ZFP90: variants seen among roughly 807,000 people sequenced by gnomAD.
The protein encoded by ZFP90 is ZFP90 zinc finger protein, also known as zinc finger protein 90 homolog.
ZFP90 carries 38 observed loss-of-function variants against 60.8 expected under a neutral mutation model. The ratio of observed to expected loss-of-function variants is 0.62; its 90% CI spans 0.48 to 0.82. The LOEUF is 0.82. Among genes scored for constraint, ZFP90 ranks in the 40% least tolerant of loss-of-function variants. ZFP90 has a pLI of 0.00. For synonymous variants in ZFP90, 287 were observed against 264.8 expected (o/e 1.08, Z -0.82); for missense variants, 711 against 759.1 (o/e 0.94, Z 0.74).
In ZFP90 at chr16:68,557,983, A is replaced by G. The variant is rs1336739439; in HGVS notation, c.34-15A>G. 1.2e-6 allele frequency: 2 copies of G among 1,613,414 alleles called. No homozygotes were observed. On this transcript the variant is annotated splice_polypyrimidine_tract_variant and intron_variant, in intron 2 of 4. Transcript: ENST00000563169. ...TGGGGTTGATCCCCAGTTGAACAGGAATGTGATTTTACAGGAATCAGTGAC... is the reference window on the plus strand; with the variant it reads ...TGGGGTTGATCCCCAGTTGAACAGGGATGTGATTTTACAGGAATCAGTGAC...
intron 2 of ZFP90, among the ~76,000 whole-genome samples, chr16:68,546,510 G>A (rs563443422): frequency 6.6e-6 from 1 of 152,076 alleles, no homozygotes; most frequent in Non-Finnish European, 1.5e-5. Flanking sequence ...CAAACAGTAT[G>A]TTTTGTTTTG....
At chr16:68,560,260 G>T (rs562304533) in intron 4 of ZFP90, among the ~76,000 whole-genome samples, 40 of 152,222 alleles carry the variant, frequency 2.6e-4, no homozygotes, top group Non-Finnish European at 5.1e-4. Context: ...AGCAAGAAAT[G>T]TCATACCCAT....
At chr16:68,540,324 A>G (rs74025109) in intron 2 of ZFP90, among the ~76,000 whole-genome samples, 4,063 of 152,220 alleles carry the variant, frequency 0.027, 174 homozygotes, top group African/African-American at 0.093. Context: ...GGCAAAAACA[A>G]AACAAAATAA....
intron 2 of ZFP90, chr16:68,574,270 T>G (rs2091582411): frequency 6.8e-6 from 1 of 146,142 alleles, no homozygotes; most frequent in African/African-American, 2.5e-5. Context: ...TTTCTTTAAG[T>G]TTCTCCTCCC....
At chr16:68,548,026 C>T (rs1335683386) in intron 2 of ZFP90, among the ~76,000 whole-genome samples, 1 of 152,010 alleles carries the variant, frequency 6.6e-6, no homozygotes, top group Non-Finnish European at 1.5e-5. Context: ...GGAGTTTCAC[C>T]ATGTCGGTCA....
intron 2 of ZFP90, among the ~76,000 whole-genome samples, chr16:68,548,817 T>C (rs2091202833): frequency 6.6e-6 from 1 of 152,148 alleles, no homozygotes; most frequent in African/African-American, 2.4e-5. Context: ...AGTTCATCTT[T>C]TAAAAATTTC....
upstream of ZFP90, among the ~76,000 whole-genome samples, chr16:68,536,834 T>C (rs2090964123): frequency 6.6e-6 from 1 of 152,320 alleles, no homozygotes; most frequent in East Asian, 1.9e-4. Flanking sequence ...ATTCCTCTTA[T>C]TCTCTCATAG....
chr16:68,550,824 A>G (rs905074132), intron 2 of ZFP90, among the ~76,000 whole-genome samples: 5 of 152,198 alleles, frequency 3.3e-5, no homozygotes, highest in Non-Finnish European at 7.3e-5. Context: ...GGATGAAGGC[A>G]AGGGACTGAA....
chr16:68,574,023 TTC>T (rs1378481223), intron 2 of ZFP90: 2 of 151,818 alleles, frequency 1.3e-5, no homozygotes, highest in African/African-American at 4.8e-5. Flanking sequence ...GGACAAGTCA[TTC>T]TCCTCCTGTG....
downstream of ZFP90, among the ~76,000 whole-genome samples, chr16:68,571,743 C>T (rs1213908555): frequency 6.6e-6 from 1 of 152,122 alleles, no homozygotes; most frequent in Non-Finnish European, 1.5e-5. Flanking sequence ...GCCTAAGCAA[C>T]ATAGTGAGAC....
At chr16:68,544,374 T>C (rs1259778331) in intron 2 of ZFP90, among the ~76,000 whole-genome samples, 1 of 152,090 alleles carries the variant, frequency 6.6e-6, no homozygotes, top group East Asian at 1.9e-4. Context: ...ATTGCACTAC[T>C]GCACTCCAGC....
intron 2 of ZFP90, among the ~76,000 whole-genome samples, chr16:68,547,923 G>A (rs1042437382): frequency 5.3e-5 from 8 of 151,580 alleles, no homozygotes; most frequent in African/African-American, 1.9e-4. Flanking sequence ...TGCCTCCTGG[G>A]TTCAAGCGAT....
At chr16:68,546,209 T>C (rs1034954889) in intron 2 of ZFP90, among the ~76,000 whole-genome samples, 66 of 152,210 alleles carry the variant, frequency 4.3e-4, no homozygotes, top group Non-Finnish European at 2.2e-4. Context: ...TATGTGAGCA[T>C]ATATAATATT....
chr16:68,558,635 T>G, intron 4 of ZFP90, 67 bp downstream of exon 4: 835 of 1,307,036 alleles, frequency 6.4e-4, no homozygotes, highest in Non-Finnish European at 8.3e-4. Flanking sequence ...GAGGGGGAGA[T>G]ACCCTCCAGC....
At chr16:68,537,650 C>G (rs1015649002), upstream of ZFP90, among the ~76,000 whole-genome samples, 2 of 152,178 alleles carry the variant, frequency 1.3e-5, no homozygotes, top group Non-Finnish European at 2.9e-5. Context: ...ACCACAACCT[C>G]TGCTTCCCGG....
At chr16:68,544,880 T>G (rs1280546532) in intron 2 of ZFP90, among the ~76,000 whole-genome samples, 2 of 18,354 alleles carry the variant, frequency 1.1e-4, no homozygotes, top group African/African-American at 3.6e-4. Context: ...TTTTTTTTTT[T>G]TTTTTTTTTT....
rs904771673 is a variant in ZFP90 at position 68,539,780 on chromosome 16, T to A, written c.-13T>A. On this transcript the variant is annotated 5_prime_UTR_variant, in exon 2 of 5. Coordinates refer to ENST00000563169, the MANE Select transcript of ZFP90 (RefSeq NM_001305203.2). ...CAGCTCCTGCCCCGGAGCCGGGCCCTGGCGAGGCAGGAATGGCCCCGAGGC... is the reference window on the plus strand; with the variant it reads ...CAGCTCCTGCCCCGGAGCCGGGCCCAGGCGAGGCAGGAATGGCCCCGAGGC... 1.3e-6 allele frequency: 2 copies of A among 1,593,086 alleles called. No individual in the cohort carries two copies. The highest frequency in any genetic ancestry group is 1.7e-6 in the Non-Finnish European group (2 of 1,171,014).
intron 2 of ZFP90, among the ~76,000 whole-genome samples, chr16:68,541,544 C>T (rs760474172): frequency 2.6e-5 from 4 of 152,024 alleles, no homozygotes; most frequent in Non-Finnish European, 5.9e-5. Context: ...TGGTCTCGAT[C>T]TCCTGACCTC....
intron 2 of ZFP90, among the ~76,000 whole-genome samples, 155 bp downstream of exon 2, chr16:68,539,980 G>C (rs998727850): frequency 1.3e-5 from 2 of 152,210 alleles, no homozygotes; most frequent in Non-Finnish European, 2.9e-5. Context: ...CCAGGCTTTG[G>C]GGAGCTGGAT....
Sources: gnomAD v4.1 joint callset for allele counts (sites outside exome capture counted in the v4.1 genomes callset) on GRCh38, gnomAD v4.1.1 for gene constraint, MANE v1.5 for transcripts, NCBI Gene and HGNC (gene_info 2026-07-23, HGNC 2026-07-21) for gene names.